Variants in ENTREP2 observed in about 807,000 individuals in gnomAD.
ENTREP2 encodes the protein protein ENTREP2.
At chr15:29,291,710 C>G in the ENTREP2 span, among the ~76,000 whole-genome samples, 2 of 152,146 alleles carry the variant, frequency 1.3e-5, no homozygotes, top group Non-Finnish European at 2.9e-5. Flanking sequence ...GAGTTTGAAT[C>G]TTTTTTCTTT....
chr15:29,615,091 T>C, the ENTREP2 span, among the ~76,000 whole-genome samples: 2 of 151,406 alleles, frequency 1.3e-5, no homozygotes, highest in African/African-American at 2.4e-5. Flanking sequence ...TTTGGAGGAG[T>C]CGCCCCGCTT....
chr15:29,223,654 C>T, the ENTREP2 span, among the ~76,000 whole-genome samples: 1 of 152,254 alleles, frequency 6.6e-6, no homozygotes, highest in South Asian at 2.1e-4. Context: ...GACACTAAAG[C>T]CCTGCTAAAC....
At chr15:29,656,946 A>T in the ENTREP2 span, among the ~76,000 whole-genome samples, 1 of 152,114 alleles carries the variant, frequency 6.6e-6, no homozygotes, top group Non-Finnish European at 1.5e-5. Context: ...AAATAGCCCA[A>T]ATTTCCCTCA....
At chr15:29,491,326 G>C in the ENTREP2 span, among the ~76,000 whole-genome samples, 10 of 152,310 alleles carry the variant, frequency 6.6e-5, no homozygotes, top group East Asian at 1.9e-3. Flanking sequence ...CTCCTACAGT[G>C]CAGCAGGGGG....
At chr15:29,493,369 G>A in the ENTREP2 span, among the ~76,000 whole-genome samples, 7,325 of 151,236 alleles carry the variant, frequency 0.048, 557 homozygotes, top group African/African-American at 0.17. Context: ...TCCTGACCTC[G>A]TGATCCGCCC....
At chr15:29,123,141 A>G in the ENTREP2 span, 11 of 567,760 alleles carry the variant, frequency 1.9e-5, no homozygotes, top group East Asian at 3.1e-4. Flanking sequence ...CAATCCCCAA[A>G]GAGACACTGC....
chr15:29,197,993 TA>T, the ENTREP2 span, among the ~76,000 whole-genome samples: 2 of 152,156 alleles, frequency 1.3e-5, no homozygotes, highest in Non-Finnish European at 2.9e-5. Flanking sequence ...GCCATACTTA[TA>T]AAACCTCCAG....
chr15:29,596,939 G>A, the ENTREP2 span, among the ~76,000 whole-genome samples: 370 of 152,090 alleles, frequency 2.4e-3, 2 homozygotes, highest in African/African-American at 8.5e-3. Context: ...CAAAGTGCTG[G>A]GATTACAGAT....
chr15:29,509,378 C>T, the ENTREP2 span, among the ~76,000 whole-genome samples: 1 of 152,222 alleles, frequency 6.6e-6, no homozygotes, highest in East Asian at 1.9e-4. Flanking sequence ...CATTGACTTT[C>T]TTCACAAAAT....
chr15:29,552,637 A>T, the ENTREP2 span, among the ~76,000 whole-genome samples: 3 of 152,156 alleles, frequency 2.0e-5, no homozygotes, highest in Admixed American at 2.0e-4. Flanking sequence ...ACTAGATTAT[A>T]AAGAATTAGG....
At chr15:29,397,660 T>C in the ENTREP2 span, among the ~76,000 whole-genome samples, 15 of 152,322 alleles carry the variant, frequency 9.8e-5, no homozygotes, top group African/African-American at 3.6e-4. Flanking sequence ...ATTACTACAA[T>C]TGATTCCCCA....
At chr15:29,505,613 CAG>C in the ENTREP2 span, among the ~76,000 whole-genome samples, 6 of 152,180 alleles carry the variant, frequency 3.9e-5, no homozygotes, top group Admixed American at 3.9e-4. This position sits in a 1 kb window ranked among gnomAD's most constrained non-coding sequence, Gnocchi z 4.3. Context: ...CCCAGGCAAA[CAG>C]GGTCTGGAGT....
At chr15:29,401,930 CTACATA>C in the ENTREP2 span, among the ~76,000 whole-genome samples, 1 of 152,100 alleles carries the variant, frequency 6.6e-6, no homozygotes, top group Non-Finnish European at 1.5e-5. Flanking sequence ...AATGCATTTA[CTACATA>C]AACATTGCTC....
chr15:29,424,261 A>C, the ENTREP2 span, among the ~76,000 whole-genome samples: 1 of 152,154 alleles, frequency 6.6e-6, no homozygotes, highest in Non-Finnish European at 1.5e-5. Context: ...TGGGGCTCCC[A>C]CCGCTGACTG....
chr15:29,394,790 GTGGAATCA>G, the ENTREP2 span, among the ~76,000 whole-genome samples: 1 of 150,726 alleles, frequency 6.6e-6, no homozygotes, highest in African/African-American at 2.4e-5. Flanking sequence ...CTCTATATGA[GTGGAATCA>G]TAGTTTTATC....
chr15:29,211,104 T>A, the ENTREP2 span, among the ~76,000 whole-genome samples: 1 of 152,184 alleles, frequency 6.6e-6, no homozygotes, highest in Non-Finnish European at 1.5e-5. Context: ...TACTACATAA[T>A]AATGGAAAGA....
the ENTREP2 span, among the ~76,000 whole-genome samples, chr15:29,371,601 C>T: frequency 6.6e-6 from 1 of 151,950 alleles, no homozygotes; most frequent in Non-Finnish European, 1.5e-5. Context: ...AAGGAGATTG[C>T]ACCCATTAAA....
At chr15:29,660,227 C>T in the ENTREP2 span, among the ~76,000 whole-genome samples, 1 of 151,482 alleles carries the variant, frequency 6.6e-6, no homozygotes, top group Non-Finnish European at 1.5e-5. Context: ...TCAAATGTGC[C>T]CCCTCCAAAA....
chr15:29,211,164 T>C, the ENTREP2 span, among the ~76,000 whole-genome samples: 2 of 152,218 alleles, frequency 1.3e-5, no homozygotes, highest in Admixed American at 1.3e-4. Context: ...GATTTCTGCA[T>C]TTTGTTTTTG....
Sources: gnomAD v4.1 joint callset for allele counts (sites outside exome capture counted in the v4.1 genomes callset) on GRCh38, gnomAD v4.1.1 for gene constraint, Gnocchi (gnomAD v3.1) non-coding constraint, MANE v1.5 for transcripts, NCBI Gene and HGNC (gene_info 2026-07-23, HGNC 2026-07-21) for gene names.